XPO5: variants seen among roughly 807,000 people sequenced by gnomAD.
The protein encoded by XPO5 is exportin 5.
Under a neutral mutation model 160.6 loss-of-function variants are expected in XPO5, and 46 were observed. The observed-to-expected ratio is 0.29, with a 90% CI of 0.23 to 0.37. The LOEUF is 0.37. XPO5 is among the 10% of genes least tolerant of loss of function. XPO5 has a pLI of 1.00. For missense variants in XPO5, 1,090 were observed against 1,463.9 expected (o/e 0.74, Z 4.17); for synonymous variants, 537 against 519.3 (o/e 1.03, Z -0.46).
chr6:43,561,975 C>A lies in XPO5; in HGVS notation c.1011+272G>T, dbSNP rs538913038. 5.7e-5 allele frequency: 16 copies of A among 280,604 alleles called. No individual in the cohort carries two copies. In the South Asian group the frequency reaches 7.6e-4, roughly 13 times the overall value. The allele number at this position is 280,604 out of a possible 1,614,324, so 17.4% of individuals were successfully genotyped here. ...TCAGCAGATTGAGGTTCTGTAAGTA[C>A]CAAAATTCACAAGAAACCAACGTTG... On this transcript the variant is annotated intron_variant, in intron 9 of 31. Coordinates refer to ENST00000265351, the MANE Select transcript of XPO5 (RefSeq NM_020750.3).
chr6:43,546,221 T>C (rs1446688185), intron 20 of XPO5, among the ~76,000 whole-genome samples: 1 of 152,102 alleles, frequency 6.6e-6, no homozygotes, highest in African/African-American at 2.4e-5. Flanking sequence ...AGAAGGCAAC[T>C]GCCCTGCTCC....
intron 14 of XPO5, among the ~76,000 whole-genome samples, chr6:43,552,498 A>C (rs1239831858): frequency 6.6e-6 from 1 of 152,028 alleles, no homozygotes; most frequent in Non-Finnish European, 1.5e-5. Flanking sequence ...GATTACAGAC[A>C]TGCACCAGCA....
chr6:43,554,280 A>G (rs1761899371), intron 13 of XPO5, among the ~76,000 whole-genome samples: 1 of 142,028 alleles, frequency 7.0e-6, no homozygotes, highest in Non-Finnish European at 1.6e-5. Flanking sequence ...TAATTTTTGT[A>G]TTTTTTTTTT....
At chr6:43,537,126 G>T (rs1435736247) in intron 20 of XPO5, among the ~76,000 whole-genome samples, 1 of 147,666 alleles carries the variant, frequency 6.8e-6, no homozygotes, top group South Asian at 2.1e-4. Flanking sequence ...ACCACCACAC[G>T]TGAATAATTA....
intron 20 of XPO5, among the ~76,000 whole-genome samples, chr6:43,543,372 G>A (rs1364365509): frequency 6.6e-6 from 1 of 152,128 alleles, no homozygotes; most frequent in Non-Finnish European, 1.5e-5. Flanking sequence ...AGGACTGCTT[G>A]AGCCCATGAG....
At chr6:43,560,448 T>C in intron 10 of XPO5, 145 bp from the exon 11 acceptor site, 1 of 1,025,464 alleles carries the variant, frequency 9.8e-7, no homozygotes, top group South Asian at 1.9e-5. Context: ...TTATCAGTAA[T>C]GACCACCCAC....
chr6:43,529,451 A>G (rs1165908358), intron 23 of XPO5: 1 of 322,544 alleles, frequency 3.1e-6, no homozygotes, highest in East Asian at 9.7e-5. Context: ...CTACTCGAGA[A>G]GCTAAGGCAA....
chr6:43,533,553 G>A, intron 21 of XPO5: 1 of 178,086 alleles, frequency 5.6e-6, no homozygotes, highest in South Asian at 1.2e-4. Flanking sequence ...GCTGCTCAAG[G>A]AACCCATAAG....
intron 28 of XPO5, chr6:43,525,638 G>A: frequency 1.7e-6 from 1 of 588,430 alleles, no homozygotes; most frequent in South Asian, 2.2e-5. Flanking sequence ...GTTTTCCTGA[G>A]AGCTCCTGCC....
chr6:43,525,866 G>T lies in XPO5; in HGVS notation c.3039C>A (p.Asp1013Glu). The change falls in exon 28 of 32, where the codon GAC becomes GAA. Residue 1013 changes from aspartate (D) to glutamate (E), a missense_variant. Physicochemically the swap from Asp to Glu is conservative, Grantham distance 45. Coordinates refer to ENST00000265351, the MANE Select transcript of XPO5 (RefSeq NM_020750.3). ...VTPSAMAELT[D>E]LGKCLMKHED... ...CATGCTTCATCAGACATTTGCCCAGGTCTGTAAGCTCTGCCATAGCTGAGG... is the reference window on the plus strand; with the variant it reads ...CATGCTTCATCAGACATTTGCCCAGTTCTGTAAGCTCTGCCATAGCTGAGG... 1 of 1,614,012 alleles carries T rather than the reference G, an allele frequency of 6.2e-7. No homozygotes were observed. Among genetic ancestry groups the T allele is most frequent in the South Asian group, 1.1e-5 (1 of 91,078 alleles).
chr6:43,524,596 T>C lies in XPO5; in HGVS notation c.3352A>G (p.Ile1118Val). The C allele has an allele frequency of 1.2e-6, 2 of 1,613,992 alleles. No individual in the cohort carries two copies. The highest frequency in any genetic ancestry group is 1.7e-6 in the Non-Finnish European group (2 of 1,179,886). Residue 1118 changes from isoleucine to valine, a missense_variant, in exon 31 of 32, where the codon ATC (isoleucine) becomes GTC (valine). Ile to Val is a conservative substitution (Grantham distance 29). This residue lies in a region of XPO5 where 810 missense variants were observed against 1,139.0 expected (regional missense o/e 0.71). Coordinates refer to ENST00000265351, the MANE Select transcript of XPO5 (RefSeq NM_020750.3). ...AGTGAGTCCTTCTGTATTTCAGGGA[T>C]TTGCTCCATTACAGCTCTTATCTCC... ...YLEIRAVMEQ[I>V]PEIQKDSLDQ...
chr6:43,525,378 T>G (rs1793513362), intron 28 of XPO5, 164 bp from the exon 29 acceptor site: 1 of 654,108 alleles, frequency 1.5e-6, no homozygotes. Context: ...GCTCAAGCTA[T>G]TCTCCCATCT....
Position 43,547,720 on chromosome 6 carries a change from G to C in XPO5, c.2061-13C>G. On this transcript the variant is annotated splice_polypyrimidine_tract_variant and intron_variant, in intron 18 of 31. Transcript: ENST00000265351. ...ATCTGACAGCACTCTGAAGGTTGGA[G>C]GGGGAAAAACAAGTTACATCATGAC... The C allele has an allele frequency of 1.2e-6, 2 of 1,611,962 alleles. No homozygotes were observed. The highest frequency in any genetic ancestry group is 2.2e-5 in the South Asian group (2 of 91,030).
rs1371127917 is a variant in XPO5 at position 43,565,662 on chromosome 6, T to G, written c.909A>C (p.Ala303=). Residue 303 remains alanine, a splice_region_variant and synonymous_variant, in exon 8 of 32, where the codon GCA becomes GCC. Coordinates refer to ENST00000265351, the MANE Select transcript of XPO5 (RefSeq NM_020750.3). The part of the protein sequence containing the change: ...DVAMHYILSA[A]QTADGGGLVE... The stretch of plus-strand genomic sequence containing the variant: ...CACTGAAAAGTAAAGATACTCACTG[T>G]GCGGCGGAGAGTATATAATGCATGG... 6.2e-7 allele frequency: 1 copy of G among 1,602,950 alleles called. No individual in the cohort carries two copies. The highest frequency in any genetic ancestry group is 1.3e-5 in the African/African-American group (1 of 74,562).
chr6:43,551,560 T>C, intron 14 of XPO5, 107 bp from the exon 15 acceptor site: 4 of 1,377,996 alleles, frequency 2.9e-6, no homozygotes, highest in Non-Finnish European at 4.0e-6. Context: ...TCTCATTCTG[T>C]CACCTAGGCT....
chr6:43,528,688 C>T, intron 24 of XPO5, 140 bp downstream of exon 24: 1 of 765,574 alleles, frequency 1.3e-6, no homozygotes, highest in Non-Finnish European at 2.2e-6. Flanking sequence ...CAAGGATAGT[C>T]AGCTGGGGTA....
At chr6:43,575,673 A>C (rs1763280152) in intron 1 of XPO5, 87 bp downstream of exon 1, 2 of 1,226,478 alleles carry the variant, frequency 1.6e-6, no homozygotes, top group Non-Finnish European at 2.3e-6. Flanking sequence ...CGTGGGCGGG[A>C]GACTACCCCA....
chr6:43,524,617 T>C lies in XPO5; in HGVS notation c.3331A>G (p.Ile1111Val), dbSNP rs1439918440. ...YEALRPRYLE[I>V]RAVMEQIPEI... Reference sequence around the variant, plus strand: ...GGGATTTGCTCCATTACAGCTCTTATCTCCAGGTACCTGGGGCGCTGATAT... The same window carrying C: ...GGGATTTGCTCCATTACAGCTCTTACCTCCAGGTACCTGGGGCGCTGATAT... Residue 1111 changes from isoleucine to valine, a missense_variant, in exon 31 of 32, where the codon ATA (isoleucine) becomes GTA (valine). Physicochemically the swap from Ile to Val is conservative, Grantham distance 29. Around this residue, in one of 3 missense-constraint regions of XPO5, gnomAD observed 810 missense variants for 1,139.0 expected, o/e 0.71. Transcript: ENST00000265351. 1.9e-6 allele frequency: 3 copies of C among 1,613,988 alleles called. No individual in the cohort carries two copies. Among genetic ancestry groups the C allele is most frequent in the South Asian group, 1.1e-5 (1 of 91,078 alleles).
intron 7 of XPO5, among the ~76,000 whole-genome samples, chr6:43,566,817 A>G (rs1373882931): frequency 6.6e-6 from 1 of 150,404 alleles, no homozygotes; most frequent in Non-Finnish European, 1.5e-5. Context: ...CAATTAAAAA[A>G]AAAAAAAAAA....
Sources: allele counts gnomAD v4.1 joint callset (sites outside exome capture counted in the v4.1 genomes callset), GRCh38; gene constraint gnomAD v4.1.1; regional missense constraint gnomAD v4.1.1; transcripts MANE v1.5; gene names NCBI Gene and HGNC (gene_info 2026-07-23, HGNC 2026-07-21).